The following RBFOX1 variants were observed in gnomAD, a reference collection of about 807,000 sequenced individuals.
The protein encoded by RBFOX1 is RNA binding fox-1 homolog 1.
A neutral mutation model predicts 57.7 loss-of-function variants in RBFOX1; 8 were observed. The ratio of observed to expected loss-of-function variants is 0.14; its 90% CI spans 0.08 to 0.25. RBFOX1 has a LOEUF of 0.25. Among genes scored for constraint, RBFOX1 ranks in the 10% least tolerant of loss-of-function variants. RBFOX1 has a pLI of 1.00. For missense variants in RBFOX1, 611 were observed against 548.5 expected (o/e 1.11, Z -1.14); for synonymous variants, 326 against 222.4 (o/e 1.47, Z -4.15).
At chr16:5,276,379 G>A (rs551703489) in intron 1 of RBFOX1, among the ~76,000 whole-genome samples, 2 of 152,256 alleles carry the variant, frequency 1.3e-5, no homozygotes, top group African/African-American at 2.4e-5. Flanking sequence ...TGAATAGGCA[G>A]TTCCCAAAAG....
At position 5,656,176 on chromosome 16, in the gene RBFOX1, C is replaced by T. The variant is rs559193335; in HGVS notation, c.318+57215C>T. Among the ~76,000 whole-genome samples, 5 of 152,228 alleles carry T rather than the reference C, an allele frequency of 3.3e-5. No individual in the cohort carries two copies. In the South Asian group the frequency reaches 6.2e-4, roughly 19 times the overall value. ...CAAACCTTGTTTCTCTTCTTAGGTG[C>T]ATGTGTGTAGGCAAATCATTTGGAC... On this transcript the variant is annotated intron_variant, in intron 3 of 19. Transcript: ENST00000641259.
At chr16:7,204,999 C>A (rs140067524) in intron 4 of RBFOX1, among the ~76,000 whole-genome samples, 318 of 152,302 alleles carry the variant, frequency 2.1e-3, no homozygotes, top group African/African-American at 7.1e-3. Context: ...CTTTATCCTA[C>A]ACTCTCTTTT....
intron 2 of RBFOX1, among the ~76,000 whole-genome samples, chr16:6,652,341 G>A (rs1301377831): frequency 1.3e-5 from 2 of 152,160 alleles, no homozygotes; most frequent in East Asian, 1.9e-4. Context: ...CCAGCTACTC[G>A]GGAGGCTGAG....
intron 2 of RBFOX1, among the ~76,000 whole-genome samples, chr16:5,467,629 C>T (rs1216345813): frequency 6.6e-6 from 1 of 152,176 alleles, no homozygotes; most frequent in Non-Finnish European, 1.5e-5. Flanking sequence ...TTTATTAGCA[C>T]TGGAGGTACC....
chr16:7,485,704 T>C (rs1181972379), intron 4 of RBFOX1, among the ~76,000 whole-genome samples: 2 of 152,244 alleles, frequency 1.3e-5, no homozygotes, highest in East Asian at 1.9e-4. Flanking sequence ...AACACATCCA[T>C]ATATAATGTA....
At chr16:6,849,034 G>A (rs1213389613) in intron 3 of RBFOX1, among the ~76,000 whole-genome samples, 1 of 152,166 alleles carries the variant, frequency 6.6e-6, no homozygotes, top group Admixed American at 6.5e-5. Context: ...CCAGGCTTAC[G>A]TGTCCCTGAA....
Position 6,779,825 on chromosome 16 carries a change from ATATT to A in RBFOX1, c.-16+125177_-16+125180del, listed in dbSNP as rs2080127344. Among the ~76,000 whole-genome samples the A allele has an allele frequency of 4.9e-4, 17 of 34,510 alleles. 5 individuals carry two copies. The East Asian group carries it at 9.8e-3, about 20-fold the overall frequency. 22.6% of individuals were successfully genotyped at this position (34,510 alleles called of 152,430 possible). On this transcript the variant is annotated intron_variant, in intron 3 of 15. Coordinates refer to ENST00000550418, the MANE Select transcript of RBFOX1 (RefSeq NM_018723.4). ...TATATATTTATATATATATTTATATATATTTTTATATATTTATATATATATTTAT... is the reference window on the plus strand; with the variant it reads ...TATATATTTATATATATATTTATATATTTATATATTTATATATATATTTAT...
At chr16:6,509,770 A>G (rs954240400) in intron 2 of RBFOX1, among the ~76,000 whole-genome samples, 3 of 152,216 alleles carry the variant, frequency 2.0e-5, no homozygotes, top group African/African-American at 7.2e-5. Context: ...TAAGCATTGC[A>G]GATCTGTACC....
At chr16:6,860,685 A>G (rs954750313) in intron 3 of RBFOX1, among the ~76,000 whole-genome samples, 1 of 152,186 alleles carries the variant, frequency 6.6e-6, no homozygotes, top group African/African-American at 2.4e-5. Context: ...TTGTAGCAAA[A>G]GTCATGTCTG....
At chr16:6,551,377 A>G (rs956531097) in intron 2 of RBFOX1, among the ~76,000 whole-genome samples, 5 of 152,196 alleles carry the variant, frequency 3.3e-5, no homozygotes, top group African/African-American at 4.8e-5. Context: ...CTGTGTGCCT[A>G]AATTTTCCTG....
chr16:5,582,368 G>C (rs1357912285), intron 2 of RBFOX1, among the ~76,000 whole-genome samples: 4 of 152,050 alleles, frequency 2.6e-5, no homozygotes, highest in Non-Finnish European at 5.9e-5. Flanking sequence ...GGAGCCGGTG[G>C]AAAACATGGA....
At chr16:5,807,020 C>T (rs2055252499) in intron 3 of RBFOX1, among the ~76,000 whole-genome samples, 1 of 152,178 alleles carries the variant, frequency 6.6e-6, no homozygotes, top group African/African-American at 2.4e-5. Context: ...TACCCCCCGA[C>T]ACCTCCTCCA....
At chr16:5,324,088 C>G (rs532851968) in intron 1 of RBFOX1, among the ~76,000 whole-genome samples, 1 of 152,316 alleles carries the variant, frequency 6.6e-6, no homozygotes, top group African/African-American at 2.4e-5. Flanking sequence ...TGCTTCTGCC[C>G]AGCACCTGCC....
At chr16:5,313,179 C>G (rs1021139874) in intron 1 of RBFOX1, among the ~76,000 whole-genome samples, 2 of 152,182 alleles carry the variant, frequency 1.3e-5, no homozygotes, top group Non-Finnish European at 2.9e-5. Flanking sequence ...ATGCTCATTA[C>G]TCAAAGTCAT....
At chr16:7,325,281 G>A (rs574696780) in intron 4 of RBFOX1, among the ~76,000 whole-genome samples, 1 of 152,222 alleles carries the variant, frequency 6.6e-6, no homozygotes, top group East Asian at 1.9e-4. Flanking sequence ...TTCTTATTTC[G>A]CAGATAATAA....
Position 7,107,572 on chromosome 16 carries a change from A to G in RBFOX1, c.27+55474A>G, listed in dbSNP as rs959856145. On this transcript the variant is annotated intron_variant, in intron 4 of 15. Coordinates refer to ENST00000550418, the MANE Select transcript of RBFOX1 (RefSeq NM_018723.4). ...TGACAAACTTGACTGTAATCAAGGT[A>G]GTGAACATCTGTCACCCCAGAAGCT... Among the ~76,000 whole-genome samples, 66 of 152,134 alleles carry G rather than the reference A, an allele frequency of 4.3e-4. 2 individuals carry two copies. The highest frequency in any genetic ancestry group is 4.8e-5 in the African/African-American group (2 of 41,450).
At chr16:7,251,083 T>C (rs1231706114) in intron 4 of RBFOX1, among the ~76,000 whole-genome samples, 1 of 152,196 alleles carries the variant, frequency 6.6e-6, no homozygotes, top group East Asian at 1.9e-4. Context: ...ATAGTCACCA[T>C]GTTAAACAAA....
At chr16:6,536,263 G>A (rs1404922922) in intron 2 of RBFOX1, among the ~76,000 whole-genome samples, 1 of 152,128 alleles carries the variant, frequency 6.6e-6, no homozygotes, top group Non-Finnish European at 1.5e-5. Context: ...GTATCCTCAA[G>A]AGTCTTTGAA....
chr16:7,664,745 C>T, intron 12 of RBFOX1, 184 bp from the exon 13 acceptor site: 1 of 1,024,752 alleles, frequency 9.8e-7, no homozygotes, highest in East Asian at 2.5e-5. Context: ...CAAAGCCCGG[C>T]CTAATTTTCT....
Sources: gnomAD v4.1 joint callset for allele counts (sites outside exome capture counted in the v4.1 genomes callset) on GRCh38, gnomAD v4.1.1 for gene constraint, MANE v1.5 for transcripts, NCBI Gene and HGNC (gene_info 2026-07-23, HGNC 2026-07-21) for gene names.